BMP6: variants seen among roughly 807,000 people sequenced by gnomAD.
BMP6 encodes the protein VG-1-R.
Under a neutral mutation model 54.1 loss-of-function variants are expected in BMP6, and 17 were observed. The ratio of observed to expected loss-of-function variants is 0.31; its 90% CI spans 0.22 to 0.47. The LOEUF is 0.47. BMP6 is among the 20% of genes least tolerant of loss of function. BMP6 has a pLI of 1.00. For missense variants in BMP6, 720 were observed against 690.4 expected, an observed-to-expected ratio of 1.04 and a Z score of -0.48; for synonymous variants, 328 against 291.2, an observed-to-expected ratio of 1.13 and a Z score of -1.28.
At chr6:7,758,857 C>T (rs1757565487) in intron 1 of BMP6, among the ~76,000 whole-genome samples, 1 of 152,200 alleles carries the variant, frequency 6.6e-6, no homozygotes, top group South Asian at 2.1e-4. Context: ...TCTGTGTGCT[C>T]CCTTGTCCAC....
chr6:7,864,977 T>C (rs983624044), intron 4 of BMP6, among the ~76,000 whole-genome samples: 5 of 152,204 alleles, frequency 3.3e-5, no homozygotes, highest in Admixed American at 6.5e-5. Flanking sequence ...ATTAATGAAC[T>C]GTGGTCAGTT....
At chr6:7,828,050 T>A (rs1758727947) in intron 1 of BMP6, among the ~76,000 whole-genome samples, 1 of 152,236 alleles carries the variant, frequency 6.6e-6, no homozygotes, top group Non-Finnish European at 1.5e-5. Context: ...TTCTTACAGG[T>A]GTTTTCTGTT....
At chr6:7,827,094 C>G (rs1758709203) in intron 1 of BMP6, among the ~76,000 whole-genome samples, 1 of 152,186 alleles carries the variant, frequency 6.6e-6, no homozygotes, top group South Asian at 2.1e-4. Flanking sequence ...ACTTTTTCCC[C>G]AACCTGCGGA....
intron 1 of BMP6, among the ~76,000 whole-genome samples, chr6:7,737,960 ATTTTCTTCTTTTTT>A (rs1189846436): frequency 9.4e-5 from 14 of 149,148 alleles, no homozygotes; most frequent in East Asian, 5.9e-4. Flanking sequence ...TTTTTGTAAT[ATTTTCTTCTTTTTT>A]TTTTCTTCTT....
rs74979465 is a variant in BMP6, at chr6:7,806,097, A to G, written c.665-39043A>G. Among the ~76,000 whole-genome samples, 1,768 of 152,336 alleles carry G rather than the reference A, an allele frequency of 0.012. 97 individuals are homozygous for G. In the East Asian group the frequency reaches 0.13, roughly 11 times the overall value. ...GAGATTAACATCGAACATATTTTCT[A>G]CAAAGCCTGCTCAACAAGTTAACCA... On this transcript the variant is annotated intron_variant, in intron 1 of 6. Transcript: ENST00000283147.
rs1415284314 is a variant in BMP6 at position 7,727,192 on chromosome 6, G to A, written c.237G>A (p.Met79Ile). ...TCAAGACGCAGGAGAAGCGGGAGAT[G>A]CAGAAGGAGATCTTGTCGGTGCTGG... ...RRLKTQEKREMQKEILSVLGL... is the reference protein window; with the variant it reads ...RRLKTQEKREIQKEILSVLGL... Residue 79 changes from methionine (M) to isoleucine (I), a missense_variant, in exon 1 of 7, where the codon ATG becomes ATA. This residue lies in a region of BMP6 where 650 missense variants were observed against 556.3 expected (regional missense o/e 1.17). Transcript: ENST00000283147. The A allele has an allele frequency of 2.5e-6, 4 of 1,603,374 alleles. No homozygotes were observed. The highest frequency in any genetic ancestry group is 2.7e-5 in the African/African-American group (2 of 74,554).
At chr6:7,800,522 T>C (rs1758254000) in intron 1 of BMP6, among the ~76,000 whole-genome samples, 4 of 152,130 alleles carry the variant, frequency 2.6e-5, no homozygotes, top group Admixed American at 2.0e-4. Flanking sequence ...CCCCTGCCCA[T>C]GGTGTCTGGG....
intron 1 of BMP6, among the ~76,000 whole-genome samples, chr6:7,812,085 T>A (rs1758444084): frequency 1.3e-5 from 2 of 152,130 alleles, no homozygotes; most frequent in African/African-American, 4.8e-5. Context: ...TTAGCTGTTT[T>A]GGGTTAGGGT....
At chr6:7,810,563 G>A (rs2113210114) in intron 1 of BMP6, among the ~76,000 whole-genome samples, 1 of 152,262 alleles carries the variant, frequency 6.6e-6, no homozygotes, top group African/African-American at 2.4e-5. Flanking sequence ...CCTGTACTTG[G>A]GTAGCTCATG....
rs775095706 is a variant in BMP6, at chr6:7,727,169, A to C, written c.214A>C (p.Lys72Gln). 1.9e-6 allele frequency: 3 copies of C among 1,595,212 alleles called. No individual in the cohort carries two copies. Among genetic ancestry groups the C allele is most frequent in the South Asian group, 2.2e-5 (2 of 89,208 alleles). ...CTCGGGCTTCCTGTACCGGCGGCTC[A>C]AGACGCAGGAGAAGCGGGAGATGCA... Reference protein sequence around the residue: ...SSSGFLYRRLKTQEKREMQKE... With the variant: ...SSSGFLYRRLQTQEKREMQKE... The change falls in exon 1 of 7, where the codon AAG (lysine) becomes CAG (glutamine). Residue 72 changes from lysine to glutamine, a missense_variant. Lys to Gln is a moderately conservative substitution (Grantham distance 53). Transcript: ENST00000283147.
intron 1 of BMP6, among the ~76,000 whole-genome samples, chr6:7,814,591 T>G (rs1415011201): frequency 6.6e-6 from 1 of 152,182 alleles, no homozygotes; most frequent in Admixed American, 6.5e-5. Context: ...AGTATCTCTC[T>G]CTACCTTTCT....
At chr6:7,793,282 C>T (rs978552851) in intron 1 of BMP6, among the ~76,000 whole-genome samples, 1 of 150,930 alleles carries the variant, frequency 6.6e-6, no homozygotes, top group African/African-American at 2.4e-5. Flanking sequence ...GAAAAGGTTA[C>T]ATACTATATA....
chr6:7,796,355 A>G (rs1197465363), intron 1 of BMP6, among the ~76,000 whole-genome samples: 1 of 152,244 alleles, frequency 6.6e-6, no homozygotes, highest in Non-Finnish European at 1.5e-5. Flanking sequence ...CCAAACTGCC[A>G]CCCTCGTGGC....
At chr6:7,818,798 G>C (rs1758565995) in intron 1 of BMP6, among the ~76,000 whole-genome samples, 1 of 152,202 alleles carries the variant, frequency 6.6e-6, no homozygotes, top group Non-Finnish European at 1.5e-5. Context: ...TCATGCCTAG[G>C]TCAGAGGTAC....
At chr6:7,771,781 G>A (rs751370725) in intron 1 of BMP6, among the ~76,000 whole-genome samples, 3 of 152,148 alleles carry the variant, frequency 2.0e-5, no homozygotes, top group South Asian at 2.1e-4. Context: ...GGTCGGATGC[G>A]GTGGCTCATG....
At chr6:7,879,898 G>C in intron 5 of BMP6, 93 bp from the exon 6 acceptor site, 2 of 1,316,128 alleles carry the variant, frequency 1.5e-6, no homozygotes, top group South Asian at 1.2e-5. Context: ...CCTGTGCAAT[G>C]TGAAAAATAC....
intron 1 of BMP6, among the ~76,000 whole-genome samples, chr6:7,778,830 G>A (rs943768474): frequency 1.1e-4 from 17 of 152,088 alleles, no homozygotes; most frequent in Admixed American, 5.9e-4. Context: ...TCCCATTCCC[G>A]GAGGGCACTG....
chr6:7,749,396 C>T (rs1757390133), intron 1 of BMP6, among the ~76,000 whole-genome samples: 1 of 152,096 alleles, frequency 6.6e-6, no homozygotes, highest in Non-Finnish European at 1.5e-5. Flanking sequence ...TTTTCTTGCC[C>T]CATTTTCCCT....
chr6:7,857,082 GCT>G (rs1000977029), intron 2 of BMP6, among the ~76,000 whole-genome samples: 7 of 152,140 alleles, frequency 4.6e-5, no homozygotes, highest in Non-Finnish European at 1.0e-4. Flanking sequence ...TGGCAATGGT[GCT>G]CTCTGTCAGC....
Sources: gnomAD v4.1 joint callset for allele counts (sites outside exome capture counted in the v4.1 genomes callset) on GRCh38, gnomAD v4.1.1 for gene constraint, gnomAD v4.1.1 regional missense constraint, MANE v1.5 for transcripts, NCBI Gene and HGNC (gene_info 2026-07-23, HGNC 2026-07-21) for gene names.